The following MAP7 variants were observed in gnomAD, a reference collection of about 807,000 sequenced individuals.
MAP7 encodes microtubule associated protein 7, also known as ensconsin.
Under a neutral mutation model 94.8 loss-of-function variants are expected in MAP7, and 52 were observed. The ratio of observed to expected loss-of-function variants is 0.55; its 90% confidence interval spans 0.44 to 0.69. The LOEUF (loss-of-function observed/expected upper bound fraction) is 0.69. MAP7 is among the 30% of genes least tolerant of loss of function. MAP7 has a pLI of 0.00. For missense variants in MAP7, 940 were observed against 964.6 expected, an observed-to-expected ratio of 0.97 and a Z score of 0.34; for synonymous variants, 350 against 357.0, an observed-to-expected ratio of 0.98 and a Z score of 0.22.
intron 3 of MAP7, among the ~76,000 whole-genome samples, chr6:136,403,331 A>G (rs902549829): frequency 6.6e-6 from 1 of 152,198 alleles, no homozygotes; most frequent in African/African-American, 2.4e-5. Context: ...ATTTATAGGC[A>G]TTGTCTTTGC....
At chr6:136,455,107 C>A in intron 1 of MAP7, among the ~76,000 whole-genome samples, 1 of 151,486 alleles carries the variant, frequency 6.6e-6, no homozygotes, top group East Asian at 1.9e-4. Context: ...GTCAGACAGT[C>A]CCTCATCTTT....
chr6:136,456,744 AAGGAGG>A (rs1238757592), intron 1 of MAP7, among the ~76,000 whole-genome samples: 1 of 67,354 alleles, frequency 1.5e-5, no homozygotes, highest in Non-Finnish European at 2.8e-5. Context: ...GGAAGAGGAG[AAGGAGG>A]AGGAGGAGGA....
At chr6:136,542,598 T>G (rs997286618) in intron 1 of MAP7, among the ~76,000 whole-genome samples, 4 of 152,164 alleles carry the variant, frequency 2.6e-5, no homozygotes, top group Non-Finnish European at 5.9e-5. Flanking sequence ...AAGAGAGAAC[T>G]TGAATTGGCA....
rs75740054 is a variant in MAP7 at position 136,406,485 on chromosome 6, CA to C, written c.244+5134del. Among the ~76,000 whole-genome samples the C allele has an allele frequency of 9.0e-3, 1,367 of 152,272 alleles. 60 individuals are homozygous for C. In the East Asian group the frequency reaches 0.14, roughly 15 times the overall value. Reference sequence around the variant, plus strand: ...ATCACTACTAGTGGAAGAATTTTAACATGGACTGTGGTGATCCTGTACATAC... The same window carrying C: ...ATCACTACTAGTGGAAGAATTTTAACTGGACTGTGGTGATCCTGTACATAC... On this transcript the variant is annotated intron_variant, in intron 3 of 17. Transcript: ENST00000354570.
intron 16 of MAP7, among the ~76,000 whole-genome samples, chr6:136,348,876 A>G (rs1290068497): frequency 6.6e-6 from 1 of 152,188 alleles, no homozygotes; most frequent in African/African-American, 2.4e-5. Flanking sequence ...CGAACATTCT[A>G]CGAAAAGACA....
intron 1 of MAP7, among the ~76,000 whole-genome samples, chr6:136,534,355 T>G (rs1828713965): frequency 6.6e-6 from 1 of 152,240 alleles, no homozygotes; most frequent in Non-Finnish European, 1.5e-5. Context: ...GGCCTTCACC[T>G]GATTGGATTT....
rs144009579 is a variant in MAP7 at position 136,542,046 on chromosome 6, G to A, written c.67+8296C>T. On this transcript the variant is annotated intron_variant, in intron 1 of 17. Transcript: ENST00000354570. ...TGCACTCCAGCCTGGGCAACACAGC[G>A]AGACTCTGTCTCAAAAAATATATTT... Among the ~76,000 whole-genome samples the A allele has an allele frequency of 3.8e-3, 585 of 152,210 alleles. 4 individuals are homozygous for A. The highest frequency in any genetic ancestry group is 0.014 in the African/African-American group (563 of 41,532).
chr6:136,529,207 C>A (rs996421215), intron 1 of MAP7, among the ~76,000 whole-genome samples: 1 of 152,144 alleles, frequency 6.6e-6, no homozygotes, highest in African/African-American at 2.4e-5. Context: ...CTCCACCTCG[C>A]GGGTTCAAGT....
chr6:136,443,703 G>A (rs561592492), intron 1 of MAP7, among the ~76,000 whole-genome samples: 1 of 152,032 alleles, frequency 6.6e-6, no homozygotes, highest in Admixed American at 6.5e-5. Flanking sequence ...GCCCACCTTG[G>A]CCTCCCAAAG....
chr6:136,509,210 G>A (rs1208768059), intron 1 of MAP7, among the ~76,000 whole-genome samples: 1 of 152,116 alleles, frequency 6.6e-6, no homozygotes, highest in Non-Finnish European at 1.5e-5. Flanking sequence ...TTGACACTCA[G>A]GATTTAGTGA....
At chr6:136,458,556 A>G (rs1277894151) in intron 1 of MAP7, among the ~76,000 whole-genome samples, 1 of 152,126 alleles carries the variant, frequency 6.6e-6, no homozygotes, top group Non-Finnish European at 1.5e-5. Flanking sequence ...ACAGTATGGT[A>G]ATGGAATAAA....
intron 1 of MAP7, chr6:136,466,872 T>C (rs1365592022): frequency 6.5e-7 from 1 of 1,529,256 alleles, no homozygotes; most frequent in Non-Finnish European, 8.7e-7. Context: ...AAAGACCAAA[T>C]ATCAGTGAAG....
At chr6:136,506,456 T>C (rs557914524) in intron 1 of MAP7, among the ~76,000 whole-genome samples, 2 of 152,196 alleles carry the variant, frequency 1.3e-5, no homozygotes, top group African/African-American at 4.8e-5. Context: ...GAGGACACAA[T>C]CCACAGTTTT....
intron 1 of MAP7, among the ~76,000 whole-genome samples, chr6:136,493,876 G>A (rs1382638832): frequency 6.6e-6 from 1 of 152,198 alleles, no homozygotes; most frequent in Non-Finnish European, 1.5e-5. Context: ...GGCAACGTAA[G>A]TTGAAATCCA....
chr6:136,365,902 A>G lies in MAP7; in HGVS notation c.1106T>C (p.Ile369Thr). Reference sequence around the variant, plus strand: ...TTTGACTTCCCTCTTGACAGGGCGGATGTTGCCGGGGGATGGGGGCCGGAC... The same window carrying G: ...TTTGACTTCCCTCTTGACAGGGCGGGTGTTGCCGGGGGATGGGGGCCGGAC... ...AQVRPPSPGNIRPVKREVKVE... is the reference protein window; with the variant it reads ...AQVRPPSPGNTRPVKREVKVE... The change falls in exon 10 of 18, where the codon ATC (isoleucine) becomes ACC (threonine). Residue 369 changes from isoleucine (I) to threonine (T), a missense_variant. Physicochemically the swap from Ile to Thr is moderately conservative, Grantham distance 89 (BLOSUM62 -1). Transcript: ENST00000354570. 1 of 1,614,016 alleles carries G rather than the reference A, an allele frequency of 6.2e-7. No individual in the cohort carries two copies. The highest frequency in any genetic ancestry group is 8.5e-7 in the Non-Finnish European group (1 of 1,180,012).
intron 10 of MAP7, chr6:136,364,990 A>T (rs1321474712): frequency 6.6e-6 from 1 of 152,284 alleles, no homozygotes; most frequent in Non-Finnish European, 1.5e-5. Flanking sequence ...GCAATAGATA[A>T]TGAATACAAC....
At chr6:136,548,924 C>T (rs1349838075) in intron 1 of MAP7, among the ~76,000 whole-genome samples, 1 of 152,198 alleles carries the variant, frequency 6.6e-6, no homozygotes, top group Non-Finnish European at 1.5e-5. Context: ...ATCAAATTCC[C>T]GAAAGCAATT....
rs1055107211 is a variant in MAP7, at chr6:136,416,626, C to T, written c.167-4929G>A. On this transcript the variant is annotated intron_variant, in intron 2 of 17. Coordinates refer to ENST00000354570, the MANE Select transcript of MAP7 (RefSeq NM_003980.6). ...TTCAAGACCAGCCTGGGCAACATGG[C>T]GAAACCCTGTCTCTACTAAAAATAC... Among the ~76,000 whole-genome samples, 18 of 151,860 alleles carry T rather than the reference C, an allele frequency of 1.2e-4. No homozygotes were observed. The Middle Eastern group carries it at 0.01, about 86-fold the overall frequency.
chr6:136,536,920 G>A (rs1828932256), intron 1 of MAP7, among the ~76,000 whole-genome samples: 1 of 152,180 alleles, frequency 6.6e-6, no homozygotes, highest in Admixed American at 6.5e-5. Context: ...ATTCACAGGT[G>A]TCTGAACTCC....
Sources: allele counts gnomAD v4.1 joint callset (sites outside exome capture counted in the v4.1 genomes callset), GRCh38; gene constraint gnomAD v4.1.1; transcripts MANE v1.5; gene names NCBI Gene and HGNC (gene_info 2026-07-23, HGNC 2026-07-21).